Variants in CNTN5 observed in about 807,000 individuals in gnomAD.
The protein encoded by CNTN5 is contactin 5.
In CNTN5, 77 loss-of-function variants were observed where a neutral mutation model predicts 129.1. That is an observed-to-expected ratio of 0.60 (90% CI 0.50 to 0.72). The LOEUF (loss-of-function observed/expected upper bound fraction) is 0.72, where lower values mean the gene tolerates loss of function less well. CNTN5 is among the 30% of genes least tolerant of loss of function. The probability of loss-of-function intolerance (pLI) is 0.00; values close to 1 mark genes in which losing one functional copy is unlikely to be tolerated. For synonymous variants in CNTN5, 509 were observed against 465.6 expected (o/e 1.09, Z -1.20); for missense variants, 1,478 against 1,328.8 (o/e 1.11, Z -1.75).
chr11:100,339,098 G>A (rs974786641), intron 21 of CNTN5, among the ~76,000 whole-genome samples: 6 of 151,928 alleles, frequency 3.9e-5, no homozygotes, highest in African/African-American at 1.5e-4. Context: ...CCCAGAGGAT[G>A]GGTTACAGCA....
chr11:99,630,528 C>A (rs547706330), intron 3 of CNTN5, among the ~76,000 whole-genome samples: 3 of 151,904 alleles, frequency 2.0e-5, no homozygotes, highest in South Asian at 2.1e-4. Context: ...TCATGCCTCA[C>A]CCCCCGTTTC....
chr11:100,309,659 A>C (rs2138925760), intron 21 of CNTN5: 1 of 984,530 alleles, frequency 1.0e-6, no homozygotes, highest in Non-Finnish European at 1.2e-6. Flanking sequence ...TAATATATAT[A>C]TTTGGCCCAT....
intron 18 of CNTN5, among the ~76,000 whole-genome samples, chr11:100,294,200 G>A (rs547229525): frequency 1.3e-5 from 2 of 151,650 alleles, no homozygotes; most frequent in Admixed American, 6.6e-5. Flanking sequence ...AAAAAAGATT[G>A]GTAAATGATT....
intron 2 of CNTN5, among the ~76,000 whole-genome samples, chr11:99,552,684 G>A (rs1486266784): frequency 6.6e-6 from 1 of 152,144 alleles, no homozygotes; most frequent in Non-Finnish European, 1.5e-5. Flanking sequence ...AGTGTTGTGG[G>A]AATGGAGTTA....
chr11:99,583,666 C>T (rs190681583), intron 3 of CNTN5, among the ~76,000 whole-genome samples: 11 of 152,316 alleles, frequency 7.2e-5, no homozygotes, highest in South Asian at 6.2e-4. Context: ...TTGTTAAGCC[C>T]GTTGGAAAAG....
At chr11:99,366,726 G>A (rs964398767) in intron 2 of CNTN5, among the ~76,000 whole-genome samples, 8 of 152,042 alleles carry the variant, frequency 5.3e-5, no homozygotes, top group Admixed American at 3.3e-4. Context: ...GAAATGAGGC[G>A]GTAATTAGAA....
At chr11:99,743,574 A>T (rs943574144) in intron 3 of CNTN5, among the ~76,000 whole-genome samples, 2 of 152,186 alleles carry the variant, frequency 1.3e-5, no homozygotes, top group Non-Finnish European at 2.9e-5. Flanking sequence ...TGTATTAGCT[A>T]AGTAATGAGT....
In CNTN5 at chr11:99,761,764, C is replaced by T. The variant is rs1228374; in HGVS notation, c.56-57780C>T. ...CTTTATAGCAGCATGATTTATAGTCCTTTGGGTATATACCCAGTAATGGGA... is the reference window on the plus strand; with the variant it reads ...CTTTATAGCAGCATGATTTATAGTCTTTTGGGTATATACCCAGTAATGGGA... On this transcript the variant is annotated intron_variant, in intron 3 of 24. Coordinates refer to ENST00000524871, the MANE Select transcript of CNTN5 (RefSeq NM_014361.4). Among the ~76,000 whole-genome samples the T allele has an allele frequency of 3.0e-5, 4 of 131,292 alleles. No individual in the cohort carries two copies. In the East Asian group the frequency reaches 8.6e-4, roughly 28 times the overall value. The allele number at this position is 131,292 out of a possible 152,430, so 86.1% of individuals were successfully genotyped here.
At chr11:100,229,857 G>A (rs369215850) in intron 16 of CNTN5, among the ~76,000 whole-genome samples, 13 of 152,142 alleles carry the variant, frequency 8.5e-5, no homozygotes, top group Admixed American at 7.2e-4. Context: ...TAGAGGTTGC[G>A]TAGTTTTCCT....
intron 9 of CNTN5, among the ~76,000 whole-genome samples, chr11:100,028,593 C>A (rs1037382387): frequency 5.9e-5 from 9 of 152,184 alleles, no homozygotes; most frequent in African/African-American, 2.2e-4. Context: ...ATCCAAGACA[C>A]AGTCCATTTC....
intron 3 of CNTN5, among the ~76,000 whole-genome samples, chr11:99,809,436 G>A (rs1276440381): frequency 6.6e-6 from 1 of 151,928 alleles, no homozygotes; most frequent in Non-Finnish European, 1.5e-5. Context: ...CTTTTAATGT[G>A]GGATATATAA....
intron 18 of CNTN5, among the ~76,000 whole-genome samples, chr11:100,271,676 A>T (rs1950410276): frequency 1.3e-5 from 2 of 152,286 alleles, no homozygotes; most frequent in East Asian, 3.9e-4. Flanking sequence ...ACCCATATAA[A>T]TTACACTTTG....
intron 3 of CNTN5, among the ~76,000 whole-genome samples, chr11:99,763,252 C>T (rs192013027): frequency 6.6e-6 from 1 of 152,108 alleles, no homozygotes; most frequent in East Asian, 1.9e-4. Flanking sequence ...ATACATTTCC[C>T]TTTATCAAAG....
At chr11:100,170,274 A>G (rs975715380) in intron 13 of CNTN5, among the ~76,000 whole-genome samples, 1 of 152,032 alleles carries the variant, frequency 6.6e-6, no homozygotes, top group African/African-American at 2.4e-5. Flanking sequence ...CTGTCTAAAT[A>G]TAAAATCTGT....
chr11:100,199,380 C>T (rs1053582190), intron 15 of CNTN5, among the ~76,000 whole-genome samples: 5 of 151,912 alleles, frequency 3.3e-5, no homozygotes, highest in African/African-American at 1.2e-4. Context: ...TTGGCCTGCT[C>T]TGAACGCTGG....
intron 21 of CNTN5, among the ~76,000 whole-genome samples, chr11:100,321,343 T>C (rs1351352259): frequency 6.6e-6 from 1 of 151,862 alleles, no homozygotes; most frequent in Non-Finnish European, 1.5e-5. Context: ...TCCTGATTTC[T>C]TTTTCAGGTA....
intron 2 of CNTN5, among the ~76,000 whole-genome samples, chr11:99,513,141 G>T (rs1715544575): frequency 6.6e-6 from 1 of 152,118 alleles, no homozygotes; most frequent in Admixed American, 6.6e-5. Context: ...TGGTGGTCTG[G>T]ATAGAGGATC....
intron 3 of CNTN5, among the ~76,000 whole-genome samples, chr11:99,755,539 T>A (rs1277004533): frequency 2.0e-5 from 3 of 152,158 alleles, no homozygotes; most frequent in Non-Finnish European, 4.4e-5. Context: ...TGAATTCTTT[T>A]GAGATTTTTT....
At position 99,034,039 on chromosome 11, in the gene CNTN5, G is replaced by C. The variant is rs555536494; in HGVS notation, c.-210+12769G>C. 1.1e-3 allele frequency among the ~76,000 whole-genome samples: 168 copies of C among 152,182 alleles called. 1 individual carries two copies. Among genetic ancestry groups the C allele is most frequent in the African/African-American group, 4.0e-3 (165 of 41,506 alleles). On this transcript the variant is annotated intron_variant, in intron 1 of 24. Coordinates refer to ENST00000524871, the MANE Select transcript of CNTN5 (RefSeq NM_014361.4). ...CTATTGAGATAATCATGTGGTTTTT[G>C]TCTTTGGTTCTGTTTATATGCTGGA... is the stretch of plus-strand genomic sequence containing the variant.
Sources: allele counts gnomAD v4.1 joint callset (sites outside exome capture counted in the v4.1 genomes callset), GRCh38; gene constraint gnomAD v4.1.1; transcripts MANE v1.5; gene names NCBI Gene and HGNC (gene_info 2026-07-23, HGNC 2026-07-21).